Variants in PPP1R12B observed in about 807,000 individuals in gnomAD.
PPP1R12B encodes protein phosphatase 1 regulatory subunit 12B.
A neutral mutation model predicts 126.1 loss-of-function variants in PPP1R12B; 76 were observed. That is an observed-to-expected ratio of 0.60 (90% CI 0.50 to 0.73). The LOEUF (loss-of-function observed/expected upper bound fraction) is 0.73, where lower values mean the gene tolerates loss of function less well. Among genes scored for constraint, PPP1R12B ranks in the 30% least tolerant of loss-of-function variants. The probability of loss-of-function intolerance (pLI) is 0.00; values close to 1 mark genes in which losing one functional copy is unlikely to be tolerated. For synonymous variants in PPP1R12B, 356 were observed against 434.7 expected (o/e 0.82, Z 2.25); for missense variants, 1,052 against 1,205.1 (o/e 0.87, Z 1.88).
intron 1 of PPP1R12B, among the ~76,000 whole-genome samples, chr1:202,369,269 T>C (rs1015613858): frequency 6.6e-6 from 1 of 152,238 alleles, no homozygotes; most frequent in Non-Finnish European, 1.5e-5. Flanking sequence ...GCATTCACCA[T>C]CTTTGTGAAA....
rs1442928536 is a variant in PPP1R12B at position 202,587,556 on chromosome 1, C to G, written c.*6996C>G. The G allele has an allele frequency of 6.6e-6, 1 of 152,180 alleles. No homozygotes were observed. The highest frequency in any genetic ancestry group is 2.4e-5 in the African/African-American group (1 of 41,440). 9.4% of individuals were successfully genotyped at this position (152,180 alleles called of 1,614,324 possible). A position where few individuals can be genotyped will look rare whatever the true frequency, so the allele number is the denominator to read the frequency against. On this transcript the variant is annotated 3_prime_UTR_variant, in exon 24 of 24. Transcript: ENST00000608999. ...TCTTCCCAGCACAAACCTAATCAAT[C>G]AGTGTATCAGTGCATCTGGTGGCAA... is the stretch of plus-strand genomic sequence containing the variant.
At chr1:202,519,714 C>T (rs1682561797) in intron 18 of PPP1R12B, among the ~76,000 whole-genome samples, 1 of 152,214 alleles carries the variant, frequency 6.6e-6, no homozygotes, top group Non-Finnish European at 1.5e-5. Flanking sequence ...AGAGTCAAAT[C>T]TCTCATATCC....
chr1:202,461,215 G>A lies in PPP1R12B; in HGVS notation c.1850+12044G>A, dbSNP rs1674272173. On this transcript the variant is annotated intron_variant, in intron 13 of 23. Transcript: ENST00000608999. ...CTTTAAAAAAAAAAAAAAAAGAATA[G>A]TCCAGTTCGGCCTTTTATATGTGTG... Among the ~76,000 whole-genome samples the A allele has an allele frequency of 5.9e-5, 9 of 151,372 alleles. No homozygotes were observed. In the South Asian group the frequency reaches 1.9e-3, roughly 32 times the overall value.
At chr1:202,575,233 A>G in intron 23 of PPP1R12B, 2 of 1,438,382 alleles carry the variant, frequency 1.4e-6, no homozygotes, top group South Asian at 1.4e-5. Context: ...CATCCCCTCC[A>G]TCCGAGCCTC....
chr1:202,445,290 A>G, intron 12 of PPP1R12B: 4 of 1,180,032 alleles, frequency 3.4e-6, no homozygotes, highest in South Asian at 4.4e-5. Context: ...GAAAACACAT[A>G]TGAAATTTGA....
intron 13 of PPP1R12B, among the ~76,000 whole-genome samples, chr1:202,463,536 A>G (rs1674585412): frequency 6.6e-6 from 1 of 152,212 alleles, no homozygotes; most frequent in South Asian, 2.1e-4. Flanking sequence ...AATTACAGAA[A>G]GAAGCTCATT....
intron 1 of PPP1R12B, among the ~76,000 whole-genome samples, chr1:202,411,463 C>T (rs1198973357): frequency 6.6e-6 from 1 of 150,744 alleles, no homozygotes; most frequent in Admixed American, 6.6e-5. Flanking sequence ...GAATTTTCTG[C>T]AGTTAGACTT....
At chr1:202,577,569 CT>C (rs1019319637) in intron 23 of PPP1R12B, among the ~76,000 whole-genome samples, 271 of 143,918 alleles carry the variant, frequency 1.9e-3, no homozygotes, top group Non-Finnish European at 1.8e-3. Context: ...TTTACTCTAC[CT>C]TTTTTTTTTT....
chr1:202,501,954 A>G, intron 18 of PPP1R12B: 1 of 985,724 alleles, frequency 1.0e-6, no homozygotes. Flanking sequence ...TACTCAGAGT[A>G]TCAAGATTCA....
chr1:202,493,781 A>T (rs1358022054), intron 15 of PPP1R12B, among the ~76,000 whole-genome samples: 1 of 152,222 alleles, frequency 6.6e-6, no homozygotes, highest in Non-Finnish European at 1.5e-5. Flanking sequence ...CCCATTTCAC[A>T]TAGCCAAGAA....
In PPP1R12B at chr1:202,475,751, G is replaced by A. The variant is rs183740737; in HGVS notation, c.1851-12782G>A. On this transcript the variant is annotated intron_variant, in intron 13 of 23. Transcript: ENST00000608999. ...TCAAATGACATCTTGAATTCATAAA[G>A]TCTGTAGGCATAGGTCTGTGATTCC... is the stretch of plus-strand genomic sequence containing the variant. 3.1e-3 allele frequency among the ~76,000 whole-genome samples: 466 copies of A among 152,196 alleles called. 3 individuals are homozygous for A. The highest frequency in any genetic ancestry group is 0.011 in the African/African-American group (446 of 41,498).
At chr1:202,426,719 A>G (rs1669561894) in intron 4 of PPP1R12B, among the ~76,000 whole-genome samples, 1 of 152,176 alleles carries the variant, frequency 6.6e-6, no homozygotes, top group African/African-American at 2.4e-5. Flanking sequence ...CCTTTAACAG[A>G]GTTATGTGAT....
At chr1:202,549,237 G>A (rs1318403977) in intron 18 of PPP1R12B, among the ~76,000 whole-genome samples, 1 of 152,064 alleles carries the variant, frequency 6.6e-6, no homozygotes, top group Non-Finnish European at 1.5e-5. Flanking sequence ...ACACATAATA[G>A]TGTCATTTTT....
intron 1 of PPP1R12B, among the ~76,000 whole-genome samples, chr1:202,400,420 T>G (rs973135500): frequency 6.6e-6 from 1 of 152,088 alleles, no homozygotes; most frequent in South Asian, 2.1e-4. Flanking sequence ...TATACTACAA[T>G]AGGTAATGGG....
At chr1:202,512,152 T>A (rs1355882119) in intron 18 of PPP1R12B, among the ~76,000 whole-genome samples, 5 of 152,222 alleles carry the variant, frequency 3.3e-5, no homozygotes, top group African/African-American at 1.2e-4. Context: ...GGGCTAACCC[T>A]AGAAAAGAGC....
chr1:202,568,710 G>A (rs545392469), intron 22 of PPP1R12B, among the ~76,000 whole-genome samples: 4 of 152,182 alleles, frequency 2.6e-5, no homozygotes, highest in South Asian at 2.1e-4. Flanking sequence ...TCTACTTCCC[G>A]GCTCACCATC....
intron 1 of PPP1R12B, among the ~76,000 whole-genome samples, chr1:202,386,995 T>C (rs574398516): frequency 5.4e-4 from 83 of 152,340 alleles, no homozygotes; most frequent in African/African-American, 2.0e-3. Flanking sequence ...CTTTTGTTCA[T>C]TGCTAGTCCT....
At chr1:202,488,510 CT>C in intron 13 of PPP1R12B, 22 bp from the exon 14 acceptor site, 17 of 1,540,966 alleles carry the variant, frequency 1.1e-5, no homozygotes, top group Non-Finnish European at 1.5e-5. Context: ...CTTGCTTTTG[CT>C]ATTACTTTTT....
At chr1:202,449,677 G>A (rs369727977) in intron 13 of PPP1R12B, among the ~76,000 whole-genome samples, 18 of 151,206 alleles carry the variant, frequency 1.2e-4, no homozygotes, top group Admixed American at 7.2e-4. Context: ...ACTTAACGCC[G>A]TTATGGATTT....
Sources: gnomAD v4.1 joint callset for allele counts (sites outside exome capture counted in the v4.1 genomes callset) on GRCh38, gnomAD v4.1.1 for gene constraint, MANE v1.5 for transcripts, NCBI Gene and HGNC (gene_info 2026-07-23, HGNC 2026-07-21) for gene names.